Variants in MGA observed in about 807,000 individuals in gnomAD.
The protein encoded by MGA is MAX gene-associated protein.
MGA carries 40 observed loss-of-function variants against 261.1 expected under a neutral mutation model. The observed-to-expected ratio is 0.15, with a 90% CI of 0.12 to 0.20. The LOEUF (loss-of-function observed/expected upper bound fraction) is 0.20, where lower values mean the gene tolerates loss of function less well. MGA is among the 10% of genes least tolerant of loss of function. The pLI, the probability that MGA is intolerant of heterozygous loss-of-function variation, is 1.00. For missense variants in MGA, 3,397 were observed against 3,630.5 expected (o/e 0.94, Z 1.65); for synonymous variants, 1,302 against 1,290.6 (o/e 1.01, Z -0.19).
chr15:41,676,234 G>A (rs969930379), intron 2 of MGA, among the ~76,000 whole-genome samples: 1 of 152,100 alleles, frequency 6.6e-6, no homozygotes, highest in African/African-American at 2.4e-5. Context: ...GCCAGCTGGA[G>A]TCCAGTGGTG....
intron 2 of MGA, among the ~76,000 whole-genome samples, chr15:41,694,308 C>T (rs980269926): frequency 1.7e-4 from 26 of 151,472 alleles, no homozygotes; most frequent in African/African-American, 6.3e-4. Flanking sequence ...CACAGCTGTT[C>T]GGGAGGCCAA....
chr15:41,628,208 T>A (rs1012687832), intron 1 of MGA, among the ~76,000 whole-genome samples: 1 of 151,618 alleles, frequency 6.6e-6, no homozygotes, highest in African/African-American at 2.4e-5. Context: ...CTGTCTCTAC[T>A]AAAAAATACA....
In MGA at chr15:41,623,775, ATTTT is replaced by A. The variant is rs202119156; in HGVS notation, c.-68+2490_-68+2493del. On this transcript the variant is annotated intron_variant, in intron 1 of 8. Coordinates refer to the MGA transcript ENST00000566718. ...GTGAATTATTTATATATATATATAT[ATTTT>A]TTTTTTTTTTTTGAGAGGGAGTTTC... Among the ~76,000 whole-genome samples, 965 of 110,730 alleles carry A rather than the reference ATTTT, an allele frequency of 8.7e-3. 7 individuals carry two copies. The highest frequency in any genetic ancestry group is 0.022 in the African/African-American group (652 of 29,500). The allele number at this position is 110,730 out of a possible 152,430, so 72.6% of individuals were successfully genotyped here. A position where few individuals can be genotyped will look rare whatever the true frequency, so the allele number is the denominator to read the frequency against.
chr15:41,764,805 A>G, intron 22 of MGA, 81 bp from the exon 23 acceptor site: 2 of 1,419,018 alleles, frequency 1.4e-6, no homozygotes, highest in Non-Finnish European at 2.0e-6. Context: ...CAGCCTCCCA[A>G]AGTGCTGGGA....
At chr15:41,761,241 G>A (rs914359952) in intron 20 of MGA, among the ~76,000 whole-genome samples, 5 of 152,212 alleles carry the variant, frequency 3.3e-5, no homozygotes, top group African/African-American at 9.7e-5. Flanking sequence ...CTTAACAGTT[G>A]ACAGTCATTT....
chr15:41,752,957 T>C (rs766233260), intron 17 of MGA, among the ~76,000 whole-genome samples: 22 of 152,216 alleles, frequency 1.4e-4, no homozygotes, highest in Non-Finnish European at 2.8e-4. Flanking sequence ...AAAGGTCATA[T>C]TAAGTGATCT....
intron 1 of MGA, among the ~76,000 whole-genome samples, chr15:41,646,909 A>G (rs1190162090): frequency 6.6e-6 from 1 of 152,156 alleles, no homozygotes; most frequent in African/African-American, 2.4e-5. Context: ...CAGAAAAGTT[A>G]GAGAAATATT....
At chr15:41,764,661 G>A (rs987958239) in intron 22 of MGA, among the ~76,000 whole-genome samples, 1 of 152,056 alleles carries the variant, frequency 6.6e-6, no homozygotes, top group Non-Finnish European at 1.5e-5. Flanking sequence ...AGCCTTCCTA[G>A]TAGCTGGGAC....
intron 22 of MGA, among the ~76,000 whole-genome samples, chr15:41,763,947 C>T (rs986956009): frequency 6.6e-6 from 1 of 151,998 alleles, no homozygotes; most frequent in Admixed American, 6.6e-5. Context: ...TGCTTGCACT[C>T]AGGAATTTGA....
chr15:41,703,099 CT>C (rs976737054), intron 5 of MGA, among the ~76,000 whole-genome samples: 1 of 151,634 alleles, frequency 6.6e-6, no homozygotes, highest in Non-Finnish European at 1.5e-5. Context: ...ACCCAATGTC[CT>C]TTTTTTTGCA....
chr15:41,680,971 G>A (rs561802881), intron 2 of MGA, among the ~76,000 whole-genome samples: 2 of 152,242 alleles, frequency 1.3e-5, no homozygotes, highest in African/African-American at 2.4e-5. Flanking sequence ...TATTTAGGGG[G>A]TCTACTACAG....
At chr15:41,654,631 C>A (rs2057128596) in intron 1 of MGA, among the ~76,000 whole-genome samples, 1 of 152,138 alleles carries the variant, frequency 6.6e-6, no homozygotes, top group Admixed American at 6.5e-5. Context: ...TAGGCTTCTT[C>A]TTGATTTTTG....
At chr15:41,660,724 A>C (rs1426695546) in intron 1 of MGA, among the ~76,000 whole-genome samples, 199 bp downstream of exon 1, 1 of 151,994 alleles carries the variant, frequency 6.6e-6, no homozygotes, top group African/African-American at 2.4e-5. Flanking sequence ...TGCGCATGTC[A>C]CCTCGCGCGC....
intron 1 of MGA, among the ~76,000 whole-genome samples, chr15:41,640,550 C>T (rs969302057): frequency 1.3e-5 from 2 of 151,602 alleles, no homozygotes; most frequent in South Asian, 2.1e-4. Context: ...GATGGAATCT[C>T]GCTCTGTCGC....
At chr15:41,659,251 G>A (rs1038187724), upstream of MGA, among the ~76,000 whole-genome samples, 3 of 152,320 alleles carry the variant, frequency 2.0e-5, no homozygotes, top group African/African-American at 7.2e-5. Flanking sequence ...GAAGAGCAAA[G>A]TGTAGAGAAA....
At chr15:41,706,244 A>AT (rs1178221143) in intron 5 of MGA, among the ~76,000 whole-genome samples, 8 of 109,764 alleles carry the variant, frequency 7.3e-5, no homozygotes, top group African/African-American at 2.3e-4. Flanking sequence ...CTCAAAAAAA[A>AT]AAAAAAAATG....
At chr15:41,636,756 G>A (rs1369312579) in intron 1 of MGA, among the ~76,000 whole-genome samples, 1 of 151,904 alleles carries the variant, frequency 6.6e-6, no homozygotes, top group Non-Finnish European at 1.5e-5. Context: ...TCACCATTTT[G>A]GCCAGGCTGG....
At chr15:41,742,346 G>A (rs567562696) in intron 14 of MGA, among the ~76,000 whole-genome samples, 200 bp from the exon 15 acceptor site, 4 of 151,876 alleles carry the variant, frequency 2.6e-5, no homozygotes, top group Non-Finnish European at 5.9e-5. Flanking sequence ...CCGAGATCGC[G>A]CCATTGCACT....
Position 41,711,231 on chromosome 15 carries a change from C to G in MGA, c.2966C>G (p.Ser989Cys). The G allele has an allele frequency of 1.2e-6, 2 of 1,614,008 alleles. No individual in the cohort carries two copies. Among genetic ancestry groups the G allele is most frequent in the Non-Finnish European group, 1.7e-6 (2 of 1,179,894 alleles). The change falls in exon 8 of 24, where the codon TCT (serine) becomes TGT (cysteine). Residue 989 changes from serine (S) to cysteine (C), a missense_variant. By Grantham distance (112) the Ser-to-Cys change is moderately radical. Transcript: ENST00000219905. ...CAGGGAAGTCGCCCTCCAGGCTTGT[C>G]TAAATCTCAGGTGAAGCTAATGGAC...
Sources: gnomAD v4.1 joint callset for allele counts (sites outside exome capture counted in the v4.1 genomes callset) on GRCh38, gnomAD v4.1.1 for gene constraint, MANE v1.5 for transcripts, NCBI Gene and HGNC (gene_info 2026-07-23, HGNC 2026-07-21) for gene names.